The following ARHGAP12 variants were observed in gnomAD, a reference collection of about 807,000 sequenced individuals.
ARHGAP12 encodes Rho GTPase activating protein 12, also known as rho GTPase-activating protein 12.
A neutral mutation model predicts 108.6 loss-of-function variants in ARHGAP12; 64 were observed. The observed-to-expected ratio is 0.59, with a 90% confidence interval of 0.48 to 0.73. The LOEUF (loss-of-function observed/expected upper bound fraction) is 0.73, where lower values mean the gene tolerates loss of function less well. Among genes scored for constraint, ARHGAP12 ranks in the 30% least tolerant of loss-of-function variants. The pLI is 0.00. For missense variants in ARHGAP12, 940 were observed against 1,005.9 expected (o/e 0.93, Z 0.89); for synonymous variants, 312 against 337.2 (o/e 0.93, Z 0.82).
At chr10:31,873,093 T>C (rs1298539607) in intron 3 of ARHGAP12, among the ~76,000 whole-genome samples, 3 of 152,288 alleles carry the variant, frequency 2.0e-5, no homozygotes, top group Admixed American at 1.3e-4. Flanking sequence ...AGGTATGTAA[T>C]TTTTTCTACT....
rs1192230833 is a variant in ARHGAP12, at chr10:31,805,782, T to C, written c.*1876A>G. 1.3e-5 allele frequency: 2 copies of C among 152,108 alleles called. No individual in the cohort carries two copies. Among genetic ancestry groups the C allele is most frequent in the Non-Finnish European group, 2.9e-5 (2 of 68,010 alleles). The allele number at this position is 152,108 out of a possible 1,614,324, so 9.4% of individuals were successfully genotyped here. On this transcript the variant is annotated 3_prime_UTR_variant, in exon 20 of 20. Coordinates refer to ENST00000344936, the MANE Select transcript of ARHGAP12 (RefSeq NM_018287.7). ...ATCACTGATTTGAGTCTAATTGTTT[T>C]CCTGGTATACAATCACTAAATAAGC...
chr10:31,901,130 C>T (rs1039709568), intron 3 of ARHGAP12, among the ~76,000 whole-genome samples: 1 of 151,074 alleles, frequency 6.6e-6, no homozygotes, highest in Non-Finnish European at 1.5e-5. Context: ...GCGGGATAAT[C>T]GCTTGAACCT....
chr10:31,858,303 C>T (rs1836963162), intron 4 of ARHGAP12, among the ~76,000 whole-genome samples: 1 of 152,160 alleles, frequency 6.6e-6, no homozygotes, highest in Non-Finnish European at 1.5e-5. Flanking sequence ...ACAACAACAA[C>T]AAAGGGGCTA....
Position 31,843,524 on chromosome 10 carries a change from C to T in ARHGAP12, c.1233G>A (p.Leu411=), listed in dbSNP as rs113204578. ...IIKSRSLDRR[L]QEPIVLTKWR... is the part of the protein sequence containing the mutation. ...ACTTTGTTAATACTATTGGTTCTTGCAGCCGCCTGTCCAGGCTCCTACTTT... is the reference window on the plus strand; with the variant it reads ...ACTTTGTTAATACTATTGGTTCTTGTAGCCGCCTGTCCAGGCTCCTACTTT... Residue 411 remains leucine (L), a synonymous_variant, in exon 7 of 20, where the codon CTG becomes CTA. Coordinates refer to ENST00000344936, the MANE Select transcript of ARHGAP12 (RefSeq NM_018287.7). 1.1e-5 allele frequency: 17 copies of T among 1,613,260 alleles called. No homozygotes were observed. In the African/African-American group the frequency reaches 1.1e-4, roughly 10 times the overall value.
chr10:31,916,988 G>A (rs1055339097), intron 1 of ARHGAP12, among the ~76,000 whole-genome samples: 1 of 152,152 alleles, frequency 6.6e-6, no homozygotes, highest in Non-Finnish European at 1.5e-5. Context: ...ATTTAGCAAT[G>A]CTAATATTGT....
chr10:31,919,838 G>T (rs1418864361), intron 1 of ARHGAP12, among the ~76,000 whole-genome samples: 1 of 151,020 alleles, frequency 6.6e-6, no homozygotes, highest in Non-Finnish European at 1.5e-5. Flanking sequence ...GTAAATATTG[G>T]CCAGGCACGG....
At chr10:31,864,167 T>C (rs781334461) in intron 3 of ARHGAP12, among the ~76,000 whole-genome samples, 16 of 152,268 alleles carry the variant, frequency 1.1e-4, no homozygotes, top group African/African-American at 3.8e-4. Context: ...TCATTTGTCA[T>C]TGAAATAACC....
At chr10:31,822,357 G>A (rs1592253860) in intron 11 of ARHGAP12, among the ~76,000 whole-genome samples, 1 of 152,328 alleles carries the variant, frequency 6.6e-6, no homozygotes, top group East Asian at 1.9e-4. Context: ...AGCCTTGTTG[G>A]CAGAAGGACT....
intron 4 of ARHGAP12, among the ~76,000 whole-genome samples, chr10:31,858,086 C>G (rs1435347342): frequency 6.6e-6 from 1 of 152,206 alleles, no homozygotes; most frequent in Non-Finnish European, 1.5e-5. Context: ...TGCTTGTAGT[C>G]CCAGCTACCT....
intron 3 of ARHGAP12, among the ~76,000 whole-genome samples, chr10:31,882,739 G>A (rs931358331): frequency 4.0e-5 from 6 of 151,368 alleles, no homozygotes; most frequent in Admixed American, 2.6e-4. Flanking sequence ...TGTGAACTTG[G>A]GAGGTGGAAG....
At chr10:31,893,311 G>GT (rs1838534759) in intron 3 of ARHGAP12, among the ~76,000 whole-genome samples, 1 of 152,040 alleles carries the variant, frequency 6.6e-6, no homozygotes, top group African/African-American at 2.4e-5. Context: ...CCAGGAGCTG[G>GT]TTTTTTGAAA....
intron 3 of ARHGAP12, among the ~76,000 whole-genome samples, chr10:31,867,545 TTTC>T: frequency 6.6e-6 from 1 of 152,328 alleles, no homozygotes; most frequent in Non-Finnish European, 1.5e-5. Context: ...TGCACTGTCT[TTTC>T]TAGCGAACCA....
At chr10:31,884,064 G>C (rs1433216120) in intron 3 of ARHGAP12, among the ~76,000 whole-genome samples, 5 of 132,550 alleles carry the variant, frequency 3.8e-5, no homozygotes, top group African/African-American at 5.7e-5. Flanking sequence ...TATTAGCATA[G>C]TTTATAACAT....
rs1340173280 is a variant in ARHGAP12, at chr10:31,915,347, T to C, written c.-110-4784A>G. ...GTCGTGGTGGGCCAAGATAGCGTCA[T>C]TGCACTCCAGCCTGGGCAACAACAG... On this transcript the variant is annotated intron_variant, in intron 1 of 19. Coordinates refer to ENST00000344936, the MANE Select transcript of ARHGAP12 (RefSeq NM_018287.7). Among the ~76,000 whole-genome samples, 4 of 150,804 alleles carry C rather than the reference T, an allele frequency of 2.7e-5. No individual in the cohort carries two copies. In the East Asian group the frequency reaches 5.8e-4, roughly 22 times the overall value.
chr10:31,900,602 G>A (rs2132431405), intron 3 of ARHGAP12, among the ~76,000 whole-genome samples: 1 of 152,282 alleles, frequency 6.6e-6, no homozygotes, highest in East Asian at 1.9e-4. Context: ...ATCTGAAAAG[G>A]CTACCTACTG....
intron 1 of ARHGAP12, among the ~76,000 whole-genome samples, chr10:31,923,098 T>G (rs976563101): frequency 1.5e-5 from 2 of 133,594 alleles, no homozygotes; most frequent in South Asian, 2.3e-4. Context: ...GCCACTGTAC[T>G]GCAGCCTGGG....
chr10:31,880,991 A>G (rs1191913230), intron 3 of ARHGAP12, among the ~76,000 whole-genome samples: 1 of 151,920 alleles, frequency 6.6e-6, no homozygotes, highest in Non-Finnish European at 1.5e-5. Flanking sequence ...TGAGCTCAAG[A>G]GGGCAAGGCT....
intron 4 of ARHGAP12, among the ~76,000 whole-genome samples, chr10:31,860,887 T>C (rs1592302200): frequency 1.3e-5 from 2 of 152,004 alleles, no homozygotes; most frequent in African/African-American, 4.8e-5. Context: ...CAAGACCCCA[T>C]CTCTACAAAT....
intron 4 of ARHGAP12, among the ~76,000 whole-genome samples, chr10:31,858,007 C>G (rs140314853): frequency 2.0e-5 from 3 of 152,136 alleles, no homozygotes; most frequent in African/African-American, 7.2e-5. Flanking sequence ...AGTTCAAGAC[C>G]AGCCTGGTCT....
Sources: allele counts gnomAD v4.1 joint callset (sites outside exome capture counted in the v4.1 genomes callset), GRCh38; gene constraint gnomAD v4.1.1; transcripts MANE v1.5; gene names NCBI Gene and HGNC (gene_info 2026-07-23, HGNC 2026-07-21).